The following TNRC6B variants were observed in gnomAD, a reference collection of about 807,000 sequenced individuals.
The protein encoded by TNRC6B is trinucleotide repeat-containing gene 6B protein.
Under a neutral mutation model 203.6 loss-of-function variants are expected in TNRC6B, and 52 were observed. The observed-to-expected ratio is 0.26, with a 90% CI of 0.20 to 0.32. TNRC6B has a LOEUF of 0.32. Among genes scored for constraint, TNRC6B ranks in the 10% least tolerant of loss-of-function variants. TNRC6B has a pLI of 1.00. For synonymous variants in TNRC6B, 838 were observed against 845.7 expected (o/e 0.99, Z 0.16); for missense variants, 1,923 against 2,286.2 (o/e 0.84, Z 3.24).
At chr22:40,145,067 C>CA (rs768152120) in intron 3 of TNRC6B, among the ~76,000 whole-genome samples, 7,637 of 95,926 alleles carry the variant, frequency 0.08, 385 homozygotes, top group African/African-American at 0.15. Flanking sequence ...TCTAGCTCCA[C>CA]AAAAAAAAAA....
chr22:40,224,819 T>C (rs2069762022), intron 1 of TNRC6B, among the ~76,000 whole-genome samples: 1 of 152,180 alleles, frequency 6.6e-6, no homozygotes, highest in Non-Finnish European at 1.5e-5. Context: ...TCTTATGAAG[T>C]CGTGTGTGGT....
chr22:40,081,573 C>T (rs1296776561), intron 1 of TNRC6B, among the ~76,000 whole-genome samples: 1 of 152,186 alleles, frequency 6.6e-6, no homozygotes, highest in Non-Finnish European at 1.5e-5. Context: ...CCTAAGTGCT[C>T]AACCTGGCTT....
In TNRC6B at chr22:40,261,962, C is replaced by G. The variant is rs544836581; in HGVS notation, c.246C>G (p.Ser82Arg). The G allele has an allele frequency of 6.2e-7, 1 of 1,612,672 alleles. No homozygotes were observed. The highest frequency in any genetic ancestry group is 1.1e-5 in the South Asian group (1 of 91,028). The stretch of plus-strand genomic sequence containing the variant: ...CAGTGCCGAACGGACAACCGCCAAG[C>G]GCCGCCCGCTACATGCCTCGGGAGG... Reference protein sequence around the residue: ...RVAVPNGQPPSAARYMPREVP... With the variant: ...RVAVPNGQPPRAARYMPREVP... The change falls in exon 4 of 23, where the codon AGC (serine) becomes AGG (arginine). Residue 82 changes from serine to arginine, a missense_variant. Ser to Arg is a moderately radical substitution (Grantham distance 110, BLOSUM62 -1). Transcript: ENST00000454349.
chr22:40,179,863 C>T (rs1008697420), intron 1 of TNRC6B, among the ~76,000 whole-genome samples: 1 of 151,600 alleles, frequency 6.6e-6, no homozygotes, highest in Non-Finnish European at 1.5e-5. Context: ...GCTAATTTAA[C>T]AAAAAGACTT....
intron 1 of TNRC6B, among the ~76,000 whole-genome samples, chr22:40,191,920 T>C (rs1268695418): frequency 1.3e-5 from 2 of 152,206 alleles, no homozygotes; most frequent in African/African-American, 4.8e-5. Flanking sequence ...CCAGCTAATT[T>C]TTGTATTTTT....
At chr22:40,082,623 T>G (rs1418653605) in intron 1 of TNRC6B, among the ~76,000 whole-genome samples, 1 of 152,176 alleles carries the variant, frequency 6.6e-6, no homozygotes, top group African/African-American at 2.4e-5. Flanking sequence ...CAGGTATGTA[T>G]CCAAAAGATT....
At chr22:40,208,111 CAAA>C (rs905832467) in intron 1 of TNRC6B, among the ~76,000 whole-genome samples, 1 of 74,918 alleles carries the variant, frequency 1.3e-5, no homozygotes, top group Non-Finnish European at 3.4e-5. Flanking sequence ...GACTCCATCT[CAAA>C]AAAAAAAAAA....
In TNRC6B at chr22:40,334,906, G is replaced by T. The variant is rs1213721977; in HGVS notation, c.*11665G>T. The T allele has an allele frequency of 6.6e-6, 1 of 152,526 alleles. No individual in the cohort carries two copies. The highest frequency in any genetic ancestry group is 2.4e-5 in the African/African-American group (1 of 41,412). The allele number at this position is 152,526 out of a possible 1,614,324, so 9.4% of individuals were successfully genotyped here. A position where few individuals can be genotyped will look rare whatever the true frequency, so the allele number is the denominator to read the frequency against. Reference sequence around the variant, plus strand: ...GCTTTCCAACTTTGCACACAAACAGGTAACAGGAAGGTACAGCAAAAATCC... The same window carrying T: ...GCTTTCCAACTTTGCACACAAACAGTTAACAGGAAGGTACAGCAAAAATCC... On this transcript the variant is annotated 3_prime_UTR_variant, in exon 23 of 23. Transcript: ENST00000454349.
chr22:40,093,494 T>C (rs1399455267), intron 1 of TNRC6B, among the ~76,000 whole-genome samples: 2 of 152,156 alleles, frequency 1.3e-5, no homozygotes, highest in African/African-American at 2.4e-5. Flanking sequence ...CTGGATACAT[T>C]GGCAAATTCA....
At chr22:40,134,386 ATACC>A (rs1429418898) in intron 3 of TNRC6B, among the ~76,000 whole-genome samples, 1 of 152,322 alleles carries the variant, frequency 6.6e-6, no homozygotes, top group East Asian at 1.9e-4. Flanking sequence ...GTTCTGCAGA[ATACC>A]TGATCAGCAC....
At chr22:40,176,588 C>T (rs2069063857), upstream of TNRC6B, among the ~76,000 whole-genome samples, 1 of 152,066 alleles carries the variant, frequency 6.6e-6, no homozygotes, top group Admixed American at 6.6e-5. Flanking sequence ...TGAATAGGGT[C>T]CAAGTCATTG....
At chr22:40,100,779 G>T (rs2068232630) in intron 1 of TNRC6B, among the ~76,000 whole-genome samples, 1 of 152,190 alleles carries the variant, frequency 6.6e-6, no homozygotes, top group Admixed American at 6.5e-5. Flanking sequence ...TGAGGGATGA[G>T]TGTATTATAT....
rs776874790 is a variant in TNRC6B, at chr22:40,310,955, A to G, written c.4397A>G (p.Lys1466Arg). 2 of 1,610,028 alleles carry G rather than the reference A, an allele frequency of 1.2e-6. No individual in the cohort carries two copies. The highest frequency in any genetic ancestry group is 1.7e-5 in the Admixed American group (1 of 59,632). The change falls in exon 17 of 23, where the codon AAA (lysine) becomes AGA (arginine). Residue 1466 changes from lysine (K) to arginine (R), a missense_variant. Physicochemically the swap from Lys to Arg is conservative, Grantham distance 26 (BLOSUM62 2). Transcript: ENST00000454349. Reference sequence around the variant, plus strand: ...CCTGCCAAATCTCCACCAACAAATAAAATCGGAAGTAAATCCAGCAATGCC... The same window carrying G: ...CCTGCCAAATCTCCACCAACAAATAGAATCGGAAGTAAATCCAGCAATGCC... Reference protein sequence around the residue: ...WLPAKSPPTNKIGSKSSNASW... With the variant: ...WLPAKSPPTNRIGSKSSNASW...
rs541141477 is a variant in TNRC6B at position 40,052,323 on chromosome 22, C to A, written c.-121+7325C>A. Among the ~76,000 whole-genome samples, 7 of 151,374 alleles carry A rather than the reference C, an allele frequency of 4.6e-5. No individual in the cohort carries two copies. In the East Asian group the frequency reaches 1.4e-3, roughly 29 times the overall value. On this transcript the variant is annotated intron_variant, in intron 1 of 23. Transcript: ENST00000301923. ...TCAGAGGTAATATTACAATATTTAACAACAGATAAAGCATGAACCAATAAG... is the reference window on the plus strand; with the variant it reads ...TCAGAGGTAATATTACAATATTTAAAAACAGATAAAGCATGAACCAATAAG...
At chr22:40,214,161 G>A (rs1488543342) in intron 1 of TNRC6B, among the ~76,000 whole-genome samples, 1 of 152,106 alleles carries the variant, frequency 6.6e-6, no homozygotes, top group African/African-American at 2.4e-5. Context: ...CAGCTACTCG[G>A]GAGGCTGAGG....
chr22:40,315,207 G>A (rs1464389885), intron 19 of TNRC6B, 76 bp from the exon 20 acceptor site: 2 of 1,181,066 alleles, frequency 1.7e-6, no homozygotes, highest in Admixed American at 4.0e-5. Context: ...TGTGTATGTA[G>A]ATAAAACTCA....
chr22:40,242,176 A>G (rs2070037207), intron 1 of TNRC6B, among the ~76,000 whole-genome samples: 1 of 102,348 alleles, frequency 9.8e-6, no homozygotes, highest in Admixed American at 1.3e-4. Context: ...CTAAGGGAAT[A>G]AGAGTGTGTG....
chr22:40,331,545 T>C lies in TNRC6B; in HGVS notation c.*8304T>C, dbSNP rs1252106469. The C allele has an allele frequency of 2.7e-6, 1 of 374,584 alleles. No homozygotes were observed. The highest frequency in any genetic ancestry group is 2.1e-5 in the African/African-American group (1 of 48,146). 23.2% of individuals were successfully genotyped at this position (374,584 alleles called of 1,614,324 possible). A position where few individuals can be genotyped will look rare whatever the true frequency, so the allele number is the denominator to read the frequency against. ...TTCAGGAAGACACAGGGAGGAGAGA[T>C]GCTGCTTCTGCGCTTTGCTCTCATT... is the stretch of plus-strand genomic sequence containing the variant. On this transcript the variant is annotated 3_prime_UTR_variant, in exon 23 of 23. Transcript: ENST00000454349.
In TNRC6B at chr22:40,321,208, A is replaced by G; in HGVS notation, c.5093A>G (p.Lys1698Arg). Reference sequence around the variant, plus strand: ...TACAGCACCAAACAGGAGGCGGCCAAGGCCCAAACTGCACTGCACATGTGA... The same window carrying G: ...TACAGCACCAAACAGGAGGCGGCCAGGGCCCAAACTGCACTGCACATGTGA... ...IRYSTKQEAA[K>R]AQTALHMCVL... Residue 1698 changes from lysine (K) to arginine (R), a missense_variant, in exon 22 of 23, where the codon AAG becomes AGG. By Grantham distance (26) the Lys-to-Arg change is conservative. Transcript: ENST00000454349. The G allele has an allele frequency of 1.1e-5, 17 of 1,613,952 alleles. No individual in the cohort carries two copies. Among genetic ancestry groups the G allele is most frequent in the Non-Finnish European group, 1.4e-5 (17 of 1,179,902 alleles).
Sources: gnomAD v4.1 joint callset for allele counts (sites outside exome capture counted in the v4.1 genomes callset) on GRCh38, gnomAD v4.1.1 for gene constraint, MANE v1.5 for transcripts, NCBI Gene and HGNC (gene_info 2026-07-23, HGNC 2026-07-21) for gene names.